The following FAM193A variants were observed in gnomAD, a reference collection of about 807,000 sequenced individuals.
The protein encoded by FAM193A is family with sequence similarity 193 member A, also known as protein FAM193A.
In FAM193A, 22 loss-of-function variants were observed where a neutral mutation model predicts 126.5. That is an observed-to-expected ratio of 0.17 (90% confidence interval 0.12 to 0.25). The LOEUF is 0.25. Ranked by LOEUF, FAM193A falls within the 10% of genes least tolerant of loss-of-function variation. The pLI is 1.00. For missense variants in FAM193A, 1,675 were observed against 1,672.8 expected (o/e 1.00, Z -0.02); for synonymous variants, 761 against 646.8 (o/e 1.18, Z -2.68).
chr4:2,685,279 G>C (rs988527426), intron 13 of FAM193A, among the ~76,000 whole-genome samples: 1 of 152,132 alleles, frequency 6.6e-6, no homozygotes, highest in Non-Finnish European at 1.5e-5. Context: ...GGGCCAGGGT[G>C]TATCTTTACA....
At chr4:2,654,223 TTTTG>T (rs1339462791) in intron 7 of FAM193A, among the ~76,000 whole-genome samples, 11 of 151,848 alleles carry the variant, frequency 7.2e-5, no homozygotes, top group African/African-American at 1.2e-4. Flanking sequence ...AGTTGGTAGG[TTTTG>T]TTTGTTTGTT....
At chr4:2,599,885 G>A (rs1050040450) in intron 2 of FAM193A, among the ~76,000 whole-genome samples, 6 of 150,914 alleles carry the variant, frequency 4.0e-5, no homozygotes, top group East Asian at 2.0e-4. Flanking sequence ...ATAGGCATGC[G>A]CCATCACACC....
chr4:2,643,112 A>AGAC (rs1262744180), intron 6 of FAM193A, among the ~76,000 whole-genome samples: 2 of 152,142 alleles, frequency 1.3e-5, no homozygotes, highest in Non-Finnish European at 2.9e-5. Flanking sequence ...GGATAAACAC[A>AGAC]GACAGGGACA....
At chr4:2,628,033 C>T (rs1368131240) in intron 4 of FAM193A, among the ~76,000 whole-genome samples, 1 of 152,144 alleles carries the variant, frequency 6.6e-6, no homozygotes, top group Non-Finnish European at 1.5e-5. Context: ...TGAGCCACCA[C>T]ACCCGGCTGC....
chr4:2,620,892 G>C (rs928891805), intron 2 of FAM193A, among the ~76,000 whole-genome samples: 4 of 148,586 alleles, frequency 2.7e-5, no homozygotes, highest in Non-Finnish European at 5.9e-5. Context: ...CAGCCACCCA[G>C]ATCCGTGAAG....
At chr4:2,584,102 A>G (rs1025529197) in intron 1 of FAM193A, among the ~76,000 whole-genome samples, 4 of 152,106 alleles carry the variant, frequency 2.6e-5, no homozygotes, top group African/African-American at 9.7e-5. Context: ...TGTTATATAT[A>G]GGTCTGTGAT....
chr4:2,581,846 G>A (rs1261484909), intron 1 of FAM193A, among the ~76,000 whole-genome samples: 2 of 151,622 alleles, frequency 1.3e-5, no homozygotes, highest in Non-Finnish European at 2.9e-5. Context: ...GTAGAGACAG[G>A]GTTTCGCCAT....
At position 2,659,824 on chromosome 4, in the gene FAM193A, T is replaced by A. The variant is rs1341137085; in HGVS notation, c.1515T>A (p.Asp505Glu). 1 of 1,614,072 alleles carries A rather than the reference T, an allele frequency of 6.2e-7. No homozygotes were observed. Among genetic ancestry groups the A allele is most frequent in the Non-Finnish European group, 8.5e-7 (1 of 1,180,054 alleles). ...NCNYRRRCAC[D>E]DCSLSHILTC... The stretch of plus-strand genomic sequence containing the variant: ...AATTCCTGATCAGATGTGCTTGCGA[T>A]GACTGCAGTCTCTCACACATCCTCA... The change falls in exon 10 of 21, where the codon GAT becomes GAA. Residue 505 changes from aspartate (D) to glutamate (E), a missense_variant. Asp to Glu is a conservative substitution (Grantham distance 45). This residue lies in a region of FAM193A where 1,186 missense variants were observed against 1,109.2 expected (regional missense o/e 1.07). Transcript: ENST00000637812.
At chr4:2,567,372 A>G (rs1046929725) in intron 1 of FAM193A, among the ~76,000 whole-genome samples, 2 of 152,204 alleles carry the variant, frequency 1.3e-5, no homozygotes, top group Non-Finnish European at 2.9e-5. Context: ...CTACTTCGCT[A>G]TATGTATCTT....
chr4:2,664,558 CTTTTT>C (rs33958851), intron 12 of FAM193A, among the ~76,000 whole-genome samples: 14 of 73,074 alleles, frequency 1.9e-4, no homozygotes, highest in South Asian at 5.6e-4. Context: ...TATTTTCTTT[CTTTTT>C]TTTTTTTTTT....
chr4:2,707,431 T>G (rs1177117994), intron 19 of FAM193A, among the ~76,000 whole-genome samples: 1 of 152,180 alleles, frequency 6.6e-6, no homozygotes, highest in African/African-American at 2.4e-5. Context: ...ATTAGTTATA[T>G]GTCATTATCG....
At chr4:2,702,792 TC>T (rs1484025459) in intron 19 of FAM193A, among the ~76,000 whole-genome samples, 1 of 152,194 alleles carries the variant, frequency 6.6e-6, no homozygotes. Context: ...GGGCATGCTT[TC>T]GGTATTTGTT....
At chr4:2,610,797 GCGCGATCTCGGCTCACCGCAGC>G (rs988648744) in intron 2 of FAM193A, among the ~76,000 whole-genome samples, 2 of 152,204 alleles carry the variant, frequency 1.3e-5, no homozygotes, top group African/African-American at 4.8e-5. Context: ...GAGTGCAATG[GCGCGATCTCGGCTCACCGCAGC>G]CTCCGCCTCC....
chr4:2,688,837 A>AG (rs973173439), intron 13 of FAM193A, among the ~76,000 whole-genome samples: 4 of 152,204 alleles, frequency 2.6e-5, no homozygotes, highest in Admixed American at 6.5e-5. Context: ...GGAGGACCCA[A>AG]GGGGGCCCCA....
intron 1 of FAM193A, among the ~76,000 whole-genome samples, chr4:2,552,223 G>A (rs555435588): frequency 1.3e-3 from 198 of 152,016 alleles, no homozygotes; most frequent in Non-Finnish European, 1.8e-3. Context: ...GTGTTAGCTA[G>A]GATGATCTCG....
chr4:2,683,661 A>G (rs949963675), intron 13 of FAM193A, among the ~76,000 whole-genome samples: 1 of 152,142 alleles, frequency 6.6e-6, no homozygotes, highest in Admixed American at 6.5e-5. Flanking sequence ...CTTTGGGGGT[A>G]TTTATTCCAC....
Position 2,646,511 on chromosome 4 carries a change from A to G in FAM193A, c.1164-174A>G, listed in dbSNP as rs376915209. Reference sequence around the variant, plus strand: ...TACAAGTCTGTCCTGGGTGCCTTGCATGGGGATCTGTTGATCCCTCACAGC... The same window carrying G: ...TACAAGTCTGTCCTGGGTGCCTTGCGTGGGGATCTGTTGATCCCTCACAGC... On this transcript the variant is annotated intron_variant, in intron 6 of 20. Transcript: ENST00000637812. Among the ~76,000 whole-genome samples, 11 of 152,262 alleles carry G rather than the reference A, an allele frequency of 7.2e-5. No individual in the cohort carries two copies. In the East Asian group the frequency reaches 1.9e-3, roughly 27 times the overall value.
chr4:2,626,355 T>C (rs1372641269), intron 3 of FAM193A, 55 bp from the exon 4 acceptor site: 7 of 679,230 alleles, frequency 1.0e-5, no homozygotes, highest in Non-Finnish European at 1.1e-5. Context: ...GTGTGCTAGG[T>C]GAGGAAGGGC....
At chr4:2,639,651 G>T in intron 5 of FAM193A, 84 bp from the exon 6 acceptor site, 1 of 1,048,238 alleles carries the variant, frequency 9.5e-7, no homozygotes, top group Non-Finnish European at 1.4e-6. Flanking sequence ...GAAATGGGGA[G>T]GGGGGAGGGA....
Sources: allele counts gnomAD v4.1 joint callset (sites outside exome capture counted in the v4.1 genomes callset), GRCh38; gene constraint gnomAD v4.1.1; regional missense constraint gnomAD v4.1.1; transcripts MANE v1.5; gene names NCBI Gene and HGNC (gene_info 2026-07-23, HGNC 2026-07-21).